Variants in BRIP1 observed in about 807,000 individuals in gnomAD.
BRIP1 encodes the protein Fanconi anemia group J protein.
A neutral mutation model predicts 119.7 loss-of-function variants in BRIP1; 88 were observed. The ratio of observed to expected loss-of-function variants is 0.74; its 90% CI spans 0.62 to 0.88. The LOEUF (loss-of-function observed/expected upper bound fraction) is 0.88. BRIP1 is among the 40% of genes least tolerant of loss of function. The probability of loss-of-function intolerance (pLI) is 0.00; values close to 1 mark genes in which losing one functional copy is unlikely to be tolerated. For synonymous variants in BRIP1, 443 were observed against 496.5 expected (o/e 0.89, Z 1.43); for missense variants, 1,259 against 1,455.4 (o/e 0.87, Z 2.20).
At position 61,857,707 on chromosome 17, in the gene BRIP1, GA is replaced by G. The variant is rs2078917909; in HGVS notation, c.206-477del. Among the ~76,000 whole-genome samples the G allele has an allele frequency of 6.6e-6, 1 of 152,178 alleles. No individual in the cohort carries two copies. The highest frequency in any genetic ancestry group is 2.1e-4 in the South Asian group (1 of 4,832). ...CCACTGCACTCCAGCCTAGGCGACA[GA>G]GCAAGACTCTGTTTCAAAAACCAAA... On this transcript the variant is annotated intron_variant, in intron 3 of 19. Coordinates refer to ENST00000259008, the MANE Select transcript of BRIP1 (RefSeq NM_032043.3). This position sits in a 1 kb window ranked among gnomAD's most constrained non-coding sequence, Gnocchi z 5.1.
rs796925390 is a variant in BRIP1 at position 61,805,395 on chromosome 17, T to G, written c.918+3072A>C. 2.0e-5 allele frequency among the ~76,000 whole-genome samples: 3 copies of G among 152,318 alleles called. No individual in the cohort carries two copies. The highest frequency in any genetic ancestry group is 7.2e-5 in the African/African-American group (3 of 41,578). ...TATTTATTTAGGCCATTTTCTACAT[T>G]ATTTTCACTCACTTTCTCTAACCTC... On this transcript the variant is annotated intron_variant, in intron 7 of 19. Coordinates refer to ENST00000259008, the MANE Select transcript of BRIP1 (RefSeq NM_032043.3). This position sits in a 1 kb window ranked among gnomAD's most constrained non-coding sequence, Gnocchi z 5.6.
chr17:61,733,747 C>T (rs1312781859), intron 16 of BRIP1, among the ~76,000 whole-genome samples: 1 of 152,026 alleles, frequency 6.6e-6, no homozygotes, highest in African/African-American at 2.4e-5. Context: ...ATTCAGATCA[C>T]TATGCGAATT....
Position 61,761,733 on chromosome 17 carries a change from C to T in BRIP1, c.2097+14668G>A, listed in dbSNP as rs935910675. 3.3e-5 allele frequency among the ~76,000 whole-genome samples: 5 copies of T among 151,800 alleles called. No homozygotes were observed. Among genetic ancestry groups the T allele is most frequent in the Admixed American group, 1.3e-4 (2 of 15,192 alleles). On this transcript the variant is annotated intron_variant, in intron 14 of 19. Coordinates refer to ENST00000259008, the MANE Select transcript of BRIP1 (RefSeq NM_032043.3). The surrounding 1 kb of genome is among the most constrained non-coding windows in gnomAD (Gnocchi z 6.4). The stretch of plus-strand genomic sequence containing the variant: ...TGAAGAAAGGCTTGTACGCTGAAAT[C>T]TATAAAATGTTGATGAGAGAAATTG...
At position 61,860,586 on chromosome 17, in the gene BRIP1, G is replaced by A. The variant is rs371557037; in HGVS notation, c.94-679C>T. On this transcript the variant is annotated intron_variant, in intron 2 of 19. Coordinates refer to ENST00000259008, the MANE Select transcript of BRIP1 (RefSeq NM_032043.3). The surrounding 1 kb of genome is among the most constrained non-coding windows in gnomAD (Gnocchi z 4.1). ...GAGGCAGGAGAATAGCTTCAGCCTG[G>A]GAGGCAGGGGTTGCAGTGAGCCAAG... is the stretch of plus-strand genomic sequence containing the variant. 1.6e-4 allele frequency among the ~76,000 whole-genome samples: 24 copies of A among 152,288 alleles called. 1 individual carries two copies. The East Asian group carries it at 4.1e-3, about 26-fold the overall frequency.
intron 17 of BRIP1, among the ~76,000 whole-genome samples, chr17:61,702,274 A>C (rs2061627038): frequency 6.6e-6 from 1 of 151,872 alleles, no homozygotes; most frequent in Non-Finnish European, 1.5e-5. Flanking sequence ...TGTTGTTTTA[A>C]CTTTTATTTT....
At chr17:61,817,646 T>C (rs2145499691) in intron 6 of BRIP1, among the ~76,000 whole-genome samples, 1 of 152,354 alleles carries the variant, frequency 6.6e-6, no homozygotes, top group Admixed American at 6.5e-5. Context: ...CATGGGCACT[T>C]GAAATGTAAT....
chr17:61,760,179 C>T lies in BRIP1; in HGVS notation c.2098-15588G>A, dbSNP rs1463974347. On this transcript the variant is annotated intron_variant, in intron 14 of 19. Transcript: ENST00000259008. This position sits in a 1 kb window ranked among gnomAD's most constrained non-coding sequence, Gnocchi z 4.6. ...ATATATGGAAATTAAACAACATGTT[C>T]CTGAACAACCAAACAACCAAGGGGG... is the stretch of plus-strand genomic sequence containing the variant. Among the ~76,000 whole-genome samples the T allele has an allele frequency of 2.6e-5, 4 of 151,636 alleles. No homozygotes were observed. The East Asian group carries it at 7.7e-4, about 29-fold the overall frequency.
Position 61,745,481 on chromosome 17 carries a change from A to G in BRIP1, c.2098-890T>C, listed in dbSNP as rs1485396726. On this transcript the variant is annotated intron_variant, in intron 14 of 19. Transcript: ENST00000259008. This position sits in a 1 kb window ranked among gnomAD's most constrained non-coding sequence, Gnocchi z 4.4. Reference sequence around the variant, plus strand: ...ACTACTAGGCTCAGGCAATCCCTCCACCTTAGCCTCCTGAGTAGCTGGGAC... The same window carrying G: ...ACTACTAGGCTCAGGCAATCCCTCCGCCTTAGCCTCCTGAGTAGCTGGGAC... Among the ~76,000 whole-genome samples, 1 of 151,940 alleles carries G rather than the reference A, an allele frequency of 6.6e-6. No homozygotes were observed. The highest frequency in any genetic ancestry group is 1.5e-5 in the Non-Finnish European group (1 of 67,962).
At position 61,755,307 on chromosome 17, in the gene BRIP1, C is replaced by T. The variant is rs2077185975; in HGVS notation, c.2098-10716G>A. 6.6e-6 allele frequency among the ~76,000 whole-genome samples: 1 copy of T among 152,114 alleles called. No homozygotes were observed. Among genetic ancestry groups the T allele is most frequent in the African/African-American group, 2.4e-5 (1 of 41,430 alleles). The stretch of plus-strand genomic sequence containing the variant: ...GGGTGCAGTGGCCCACACCTGTAAT[C>T]CCAGCACTTTGAGATGCTGAGGCTG... On this transcript the variant is annotated intron_variant, in intron 14 of 19. Transcript: ENST00000259008. The surrounding 1 kb of genome is among the most constrained non-coding windows in gnomAD (Gnocchi z 4.5).
chr17:61,779,694 G>A (rs929379165), intron 13 of BRIP1, among the ~76,000 whole-genome samples: 8 of 152,088 alleles, frequency 5.3e-5, no homozygotes, highest in Admixed American at 1.3e-4. Flanking sequence ...AGTGGCTCAC[G>A]CCTGTAATCC....
intron 6 of BRIP1, among the ~76,000 whole-genome samples, chr17:61,839,811 A>G (rs2078630878): frequency 6.6e-6 from 1 of 152,246 alleles, no homozygotes; most frequent in Admixed American, 6.5e-5. Flanking sequence ...GGAAGAAAAT[A>G]TGCAATTTCT....
At chr17:61,819,383 T>C (rs2078287024) in intron 6 of BRIP1, among the ~76,000 whole-genome samples, 3 of 152,146 alleles carry the variant, frequency 2.0e-5, no homozygotes, top group South Asian at 4.1e-4. Flanking sequence ...GCTAGGTGTA[T>C]ATCCAAAAGA....
At chr17:61,801,138 A>G in intron 8 of BRIP1, 115 bp downstream of exon 8, 1 of 931,668 alleles carries the variant, frequency 1.1e-6, no homozygotes, top group Non-Finnish European at 1.7e-6. Flanking sequence ...ATGTTTACAC[A>G]AATTTATTTA....
rs1235438512 is a variant in BRIP1, at chr17:61,808,119, G to A, written c.918+348C>T. On this transcript the variant is annotated intron_variant, in intron 7 of 19. Coordinates refer to ENST00000259008, the MANE Select transcript of BRIP1 (RefSeq NM_032043.3). The surrounding 1 kb of genome is among the most constrained non-coding windows in gnomAD (Gnocchi z 4.1). The stretch of plus-strand genomic sequence containing the variant: ...TTAAGTATATAAAGTATATTAATTA[G>A]ATCTAATTAGACTAAACCATTTAAA... Among the ~76,000 whole-genome samples, 1 of 152,028 alleles carries A rather than the reference G, an allele frequency of 6.6e-6. No individual in the cohort carries two copies.
Position 61,861,572 on chromosome 17 carries a change from A to G in BRIP1, c.-30-3T>C, listed in dbSNP as rs370728413. 335 of 1,486,844 alleles carry G rather than the reference A, an allele frequency of 2.3e-4. No individual in the cohort carries two copies. Among genetic ancestry groups the G allele is most frequent in the Non-Finnish European group, 3.0e-4 (324 of 1,064,668 alleles). 92.1% of individuals were successfully genotyped at this position (1,486,844 alleles called of 1,614,324 possible). A position where few individuals can be genotyped will look rare whatever the true frequency, so the allele number is the denominator to read the frequency against. ...TCCTGTTTATTTCAGATTCCTAACT[A>G]CAACAGAAATGAAAATGTCAAATAT... On this transcript the variant is annotated splice_region_variant and splice_polypyrimidine_tract_variant and intron_variant, in intron 1 of 19. Coordinates refer to ENST00000259008, the MANE Select transcript of BRIP1 (RefSeq NM_032043.3). This position sits in a 1 kb window ranked among gnomAD's most constrained non-coding sequence, Gnocchi z 4.5.
rs2077907337 is a variant in BRIP1, at chr17:61,796,832, C to T, written c.1340+2268G>A. 6.6e-6 allele frequency among the ~76,000 whole-genome samples: 1 copy of T among 151,848 alleles called. No individual in the cohort carries two copies. The highest frequency in any genetic ancestry group is 2.4e-5 in the African/African-American group (1 of 41,340). Reference sequence around the variant, plus strand: ...AAGACTGTAGGATGATAGATATGAACAATCAATGATATTGAGGAATTGGGG... The same window carrying T: ...AAGACTGTAGGATGATAGATATGAATAATCAATGATATTGAGGAATTGGGG... On this transcript the variant is annotated intron_variant, in intron 9 of 19. Coordinates refer to ENST00000259008, the MANE Select transcript of BRIP1 (RefSeq NM_032043.3). The surrounding 1 kb of genome is among the most constrained non-coding windows in gnomAD (Gnocchi z 4.8).
In BRIP1 at chr17:61,843,475, A is replaced by G. The variant is rs985559524; in HGVS notation, c.627+3626T>C. Among the ~76,000 whole-genome samples the G allele has an allele frequency of 2.0e-5, 3 of 152,178 alleles. No individual in the cohort carries two copies. Among genetic ancestry groups the G allele is most frequent in the African/African-American group, 7.2e-5 (3 of 41,434 alleles). On this transcript the variant is annotated intron_variant, in intron 6 of 19. Transcript: ENST00000259008. The surrounding 1 kb of genome is among the most constrained non-coding windows in gnomAD (Gnocchi z 5.7). ...TGTCCCCTCCAACTCTCATGCTGAA[A>G]TGTGATCCCCCAAGTTGGAGGTGGG...
Position 61,814,356 on chromosome 17 carries a change from C to T in BRIP1, c.628-5599G>A, listed in dbSNP as rs1206823194. On this transcript the variant is annotated intron_variant, in intron 6 of 19. Transcript: ENST00000259008. The surrounding 1 kb of genome is among the most constrained non-coding windows in gnomAD (Gnocchi z 4.9). The stretch of plus-strand genomic sequence containing the variant: ...TGACAGAAGATACTTGCAGTGCTTA[C>T]AGTCAAGTGAGGATCAGTATCTACA... Among the ~76,000 whole-genome samples, 1 of 152,010 alleles carries T rather than the reference C, an allele frequency of 6.6e-6. No homozygotes were observed. Among genetic ancestry groups the T allele is most frequent in the Non-Finnish European group, 1.5e-5 (1 of 67,896 alleles).
rs546666211 is a variant in BRIP1, at chr17:61,682,898, CAG to C, written c.*396_*397del. On this transcript the variant is annotated 3_prime_UTR_variant, in exon 20 of 20. Coordinates refer to ENST00000259008, the MANE Select transcript of BRIP1 (RefSeq NM_032043.3). This position sits in a 1 kb window ranked among gnomAD's most constrained non-coding sequence, Gnocchi z 4.9. ...CTGTAATCCCAGCAACTTAGGGAGG[CAG>C]AGAAGGGCAGATCACGAGGCCAGGA... 542 of 215,332 alleles carry C rather than the reference CAG, an allele frequency of 2.5e-3. 2 individuals are homozygous for C. The highest frequency in any genetic ancestry group is 9.8e-3 in the Middle Eastern group (6 of 612). The allele number at this position is 215,332 out of a possible 1,614,324, so 13.3% of individuals were successfully genotyped here.
Sources: allele counts gnomAD v4.1 joint callset (sites outside exome capture counted in the v4.1 genomes callset), GRCh38; gene constraint gnomAD v4.1.1; non-coding constraint Gnocchi (gnomAD v3.1); transcripts MANE v1.5; gene names NCBI Gene and HGNC (gene_info 2026-07-23, HGNC 2026-07-21).